The following TMC3 variants were observed in gnomAD, a reference collection of about 807,000 sequenced individuals.
TMC3 encodes transmembrane channel-like protein 3.
TMC3 carries 98 observed loss-of-function variants against 110.6 expected under a neutral mutation model. That is an observed-to-expected ratio of 0.89 (90% CI 0.75 to 1.05). TMC3 has a LOEUF of 1.05. TMC3 is among the 50% of genes least tolerant of loss of function. TMC3 has a pLI of 0.00. For missense variants in TMC3, 1,319 were observed against 1,373.2 expected (o/e 0.96, Z 0.62); for synonymous variants, 489 against 513.1 (o/e 0.95, Z 0.63).
In TMC3 at chr15:81,332,538, G is replaced by T. The variant is rs893964693; in HGVS notation, c.3184C>A (p.Gln1062Lys). ...QQNSSADQYL[Q>K]VTHSQGRFPR... is the part of the protein sequence containing the mutation. ...AACCTGCCCTGGCTGTGGGTGACCTGCAGGTACTGGTCAGCGCTGCTGTTC... is the reference window on the plus strand; with the variant it reads ...AACCTGCCCTGGCTGTGGGTGACCTTCAGGTACTGGTCAGCGCTGCTGTTC... The change falls in exon 22 of 22, where the codon CAG becomes AAG. Residue 1062 changes from glutamine to lysine, a missense_variant. Transcript: ENST00000359440. 1.2e-6 allele frequency: 2 copies of T among 1,613,774 alleles called. No individual in the cohort carries two copies. Among genetic ancestry groups the T allele is most frequent in the Non-Finnish European group, 1.7e-6 (2 of 1,179,872 alleles).
At position 81,344,034 on chromosome 15, in the gene TMC3, C is replaced by G; in HGVS notation, c.1530G>C (p.Lys510Asn). The G allele has an allele frequency of 6.2e-6, 10 of 1,609,830 alleles. No individual in the cohort carries two copies. The highest frequency in any genetic ancestry group is 8.5e-6 in the Non-Finnish European group (10 of 1,178,628). Residue 510 changes from lysine (K) to asparagine (N), a missense_variant, in exon 14 of 22, where the codon AAG becomes AAC. Coordinates refer to ENST00000359440, the MANE Select transcript of TMC3 (RefSeq NM_001080532.3). Reference sequence around the variant, plus strand: ...TGAAGAGCATGTCAATGATGGAGAGCTTCAGCATCTCCTGAAACACAGGGC... The same window carrying G: ...TGAAGAGCATGTCAATGATGGAGAGGTTCAGCATCTCCTGAAACACAGGGC... Reference protein sequence around the residue: ...WETYVGQEMLKLSIIDMLFTV... With the variant: ...WETYVGQEMLNLSIIDMLFTV...
chr15:81,351,777 T>C lies in TMC3; in HGVS notation c.1000A>G (p.Ile334Val). Reference protein sequence around the residue: ...ILVLLSLAGSIYLIYFVVDRS... With the variant: ...ILVLLSLAGSVYLIYFVVDRS... ...TCCACCACAAAGTAGATGAGATAAA[T>C]GCTCCCAGCCAGTGAGAGAAGCACC... Residue 334 changes from isoleucine (I) to valine (V), a missense_variant, in exon 10 of 22, where the codon ATT becomes GTT. By Grantham distance (29) the Ile-to-Val change is conservative (BLOSUM62 3). Coordinates refer to ENST00000359440, the MANE Select transcript of TMC3 (RefSeq NM_001080532.3). 6.2e-7 allele frequency: 1 copy of C among 1,607,020 alleles called. No individual in the cohort carries two copies. Among genetic ancestry groups the C allele is most frequent in the Non-Finnish European group, 8.5e-7 (1 of 1,176,828 alleles).
rs762648775 is a variant in TMC3 at position 81,333,184 on chromosome 15, G to A, written c.2538C>T (p.His846=). 3.1e-6 allele frequency: 5 copies of A among 1,614,056 alleles called. No homozygotes were observed. The South Asian group carries it at 3.3e-5, about 11-fold the overall frequency. The change falls in exon 22 of 22, where the codon CAC becomes CAT. Residue 846 remains histidine (H), a synonymous_variant. Transcript: ENST00000359440. ...GAGGTTCTGAGTGTACATCTTCGAT[G>A]TGCGTTGTAAATGTCATAGGTGTGC... ...RSRTPMTFTT[H]IEDVHSEPLF... is the part of the protein sequence containing the mutation.
chr15:81,346,964 G>A (rs1250079683), intron 11 of TMC3, among the ~76,000 whole-genome samples: 1 of 152,148 alleles, frequency 6.6e-6, no homozygotes, highest in Non-Finnish European at 1.5e-5. Context: ...TGAAATACAG[G>A]CTGGACCCCT....
At chr15:81,345,063 C>A (rs117886930) in intron 12 of TMC3, 52 bp from the exon 13 acceptor site, 24 of 1,536,120 alleles carry the variant, frequency 1.6e-5, no homozygotes, top group East Asian at 4.9e-5. Context: ...AGGAAAATGG[C>A]GGTCCACATA....
In TMC3 at chr15:81,344,991, G is replaced by C; in HGVS notation, c.1293C>G (p.Asn431Lys). The C allele has an allele frequency of 6.3e-7, 1 of 1,583,634 alleles. No homozygotes were observed. Among genetic ancestry groups the C allele is most frequent in the Non-Finnish European group, 8.6e-7 (1 of 1,164,262 alleles). Reference protein sequence around the residue: ...MSIEEMATKNNTSHWIDSTTF... With the variant: ...MSIEEMATKNKTSHWIDSTTF... The stretch of plus-strand genomic sequence containing the variant: ...TGGTGGAATCTATCCAATGACTTGT[G>C]TTATTTTTGGTAGCCATTTCCTGGG... The change falls in exon 13 of 22, where the codon AAC becomes AAG. Residue 431 changes from asparagine to lysine, a missense_variant. Physicochemically the swap from Asn to Lys is moderately conservative, Grantham distance 94. Transcript: ENST00000359440.
At chr15:81,351,348 CTTTT>C (rs35807579) in intron 10 of TMC3, among the ~76,000 whole-genome samples, 2 of 101,296 alleles carry the variant, frequency 2.0e-5, no homozygotes, top group Admixed American at 9.3e-5. Flanking sequence ...CTCTCTCTCT[CTTTT>C]TTTTTTTTTT....
chr15:81,350,057 G>A (rs1187437005), intron 10 of TMC3, among the ~76,000 whole-genome samples: 1 of 151,126 alleles, frequency 6.6e-6, no homozygotes, highest in Non-Finnish European at 1.5e-5. Context: ...GACCAGCCAG[G>A]GCAACACAGC....
At chr15:81,363,842 C>T (rs952082053) in intron 3 of TMC3, among the ~76,000 whole-genome samples, 17 of 152,198 alleles carry the variant, frequency 1.1e-4, no homozygotes, top group African/African-American at 2.4e-5. Flanking sequence ...CCCAGTATCC[C>T]GAGGAAGGGG....
chr15:81,341,337 T>TTA (rs1193314369), intron 16 of TMC3, 53 bp downstream of exon 16: 3 of 1,516,042 alleles, frequency 2.0e-6, no homozygotes, highest in Admixed American at 1.9e-5. Context: ...CAGGCATGGA[T>TTA]TATATATATG....
In TMC3 at chr15:81,332,632, C is replaced by G. The variant is rs368578804; in HGVS notation, c.3090G>C (p.Gly1030=). Residue 1030 remains glycine (G), a synonymous_variant, in exon 22 of 22, where the codon GGG becomes GGC. Coordinates refer to ENST00000359440, the MANE Select transcript of TMC3 (RefSeq NM_001080532.3). ...TGAGGGATGGCTCGAACCTGGGCTT[C>G]CCTCTGGGCTTCAGAGGGGGCTGTG... is the stretch of plus-strand genomic sequence containing the variant. ...QYPQPPLKPR[G]KPRFEPSLTE... The G allele has an allele frequency of 6.2e-7, 1 of 1,613,948 alleles. No homozygotes were observed. The highest frequency in any genetic ancestry group is 8.5e-7 in the Non-Finnish European group (1 of 1,179,858).
At chr15:81,359,159 G>C (rs924864623) in intron 5 of TMC3, among the ~76,000 whole-genome samples, 1 of 152,222 alleles carries the variant, frequency 6.6e-6, no homozygotes, top group Admixed American at 6.5e-5. Flanking sequence ...CTACACGGCA[G>C]ATTTGAGTCA....
At chr15:81,364,847 A>T (rs1894274700) in intron 3 of TMC3, among the ~76,000 whole-genome samples, 2 of 152,070 alleles carry the variant, frequency 1.3e-5, no homozygotes, top group Middle Eastern at 6.8e-3. Context: ...TAAATTTTGA[A>T]ATTGAGCACA....
At chr15:81,344,073 A>G in intron 13 of TMC3, 28 bp from the exon 14 acceptor site, 3 of 1,593,772 alleles carry the variant, frequency 1.9e-6, no homozygotes, top group Non-Finnish European at 2.6e-6. Context: ...CCTGGATGCC[A>G]CCATGCCCCA....
At chr15:81,362,191 T>C in intron 4 of TMC3, 29 bp downstream of exon 4, 6 of 1,567,590 alleles carry the variant, frequency 3.8e-6, no homozygotes, top group African/African-American at 1.4e-5. Flanking sequence ...ATTGCATTCC[T>C]GCCCCACTCT....
At chr15:81,336,786 C>T in intron 19 of TMC3, 135 bp from the exon 20 acceptor site, 2 of 879,838 alleles carry the variant, frequency 2.3e-6, no homozygotes, top group Non-Finnish European at 1.8e-6. Context: ...CTATTGCCCC[C>T]TATGGACGGT....
intron 5 of TMC3, 72 bp downstream of exon 5, chr15:81,359,293 G>C (rs1321066578): frequency 9.0e-7 from 1 of 1,116,474 alleles, no homozygotes; most frequent in African/African-American, 1.6e-5. Flanking sequence ...ATGATAACCA[G>C]AGGAGCCATT....
intron 19 of TMC3, 64 bp from the exon 20 acceptor site, chr15:81,336,715 C>A: frequency 5.2e-6 from 8 of 1,529,446 alleles, no homozygotes; most frequent in Non-Finnish European, 9.1e-7. Context: ...AAATATTATT[C>A]CTGGGGGAAG....
At position 81,356,567 on chromosome 15, in the gene TMC3, A is replaced by C; in HGVS notation, c.771T>G (p.Leu257=). The C allele has an allele frequency of 6.3e-7, 1 of 1,588,310 alleles. No homozygotes were observed. Among genetic ancestry groups the C allele is most frequent in the Non-Finnish European group, 8.6e-7 (1 of 1,167,254 alleles). Residue 257 remains leucine (L), a synonymous_variant, in exon 8 of 22, where the codon CTT becomes CTG. Coordinates refer to ENST00000359440, the MANE Select transcript of TMC3 (RefSeq NM_001080532.3). ...TATAGTTTTCATTGGAAGCACTGGC[A>C]AGACTCGTGCGGGAGTTCTTAGCCA... ...KKMAKNSRTS[L]ASASNENYTF...
Sources: allele counts gnomAD v4.1 joint callset (sites outside exome capture counted in the v4.1 genomes callset), GRCh38; gene constraint gnomAD v4.1.1; transcripts MANE v1.5; gene names NCBI Gene and HGNC (gene_info 2026-07-23, HGNC 2026-07-21).